Variants in NEMF observed in about 807,000 individuals in gnomAD.
NEMF encodes the protein ribosome quality control complex subunit NEMF.
A neutral mutation model predicts 162.2 loss-of-function variants in NEMF; 89 were observed. That is an observed-to-expected ratio of 0.55 (90% CI 0.46 to 0.65). The LOEUF (loss-of-function observed/expected upper bound fraction) is 0.65. Among genes scored for constraint, NEMF ranks in the 30% least tolerant of loss-of-function variants. NEMF has a pLI of 0.00. For synonymous variants in NEMF, 421 were observed against 404.5 expected (o/e 1.04, Z -0.49); for missense variants, 1,133 against 1,261.9 (o/e 0.90, Z 1.55).
At position 49,799,636 on chromosome 14, in the gene NEMF, A is replaced by G; in HGVS notation, c.2415T>C (p.Ser805=). 6.2e-7 allele frequency: 1 copy of G among 1,609,572 alleles called. No homozygotes were observed. Among genetic ancestry groups the G allele is most frequent in the Non-Finnish European group, 8.5e-7 (1 of 1,178,712 alleles). The change falls in exon 24 of 33, where the codon TCT becomes TCC. Residue 805 remains serine, a splice_region_variant and synonymous_variant. Coordinates refer to ENST00000298310, the MANE Select transcript of NEMF (RefSeq NM_004713.6). ...KLASKEESSN[S]SDSKSQSRRH... Reference sequence around the variant, plus strand: ...CTTCATAAAACTGAAAATAGCTTACAGAATTAGAAGATTCCTCTTTTGAAG... The same window carrying G: ...CTTCATAAAACTGAAAATAGCTTACGGAATTAGAAGATTCCTCTTTTGAAG...
intron 3 of NEMF, among the ~76,000 whole-genome samples, chr14:49,846,639 A>G (rs1490861831): frequency 4.6e-5 from 7 of 151,604 alleles, no homozygotes; most frequent in African/African-American, 1.7e-4. Context: ...TAATTTTTTC[A>G]TTATTTGTAG....
In NEMF at chr14:49,782,879, T is replaced by A. The variant is rs570989300; in HGVS notation, c.*1757A>T. On this transcript the variant is annotated 3_prime_UTR_variant, in exon 33 of 33. Transcript: ENST00000298310. ...CTTTAAAGAAATGTTAGCCAACTCA[T>A]GGAACTGCCTTCCAAAACACTTACT... The A allele has an allele frequency of 6.2e-7, 1 of 1,613,910 alleles. No homozygotes were observed. The highest frequency in any genetic ancestry group is 1.1e-5 in the South Asian group (1 of 91,070).
intron 25 of NEMF, 80 bp from the exon 26 acceptor site, chr14:49,796,024 C>T (rs755181985): frequency 2.1e-5 from 21 of 1,012,146 alleles, no homozygotes; most frequent in African/African-American, 3.2e-5. Flanking sequence ...ATGGGGAAGG[C>T]ACATATACAG....
intron 16 of NEMF, chr14:49,820,443 C>T (rs1891947538): frequency 2.2e-6 from 1 of 456,720 alleles, no homozygotes; most frequent in South Asian, 1.5e-5. Flanking sequence ...TCCTTACCCT[C>T]TCCGTTTCAG....
At chr14:49,842,610 A>G (rs563586201) in intron 4 of NEMF, among the ~76,000 whole-genome samples, 93 of 152,378 alleles carry the variant, frequency 6.1e-4, no homozygotes, top group Non-Finnish European at 4.0e-4. Context: ...GTAATCCCAA[A>G]TTCATCTGAA....
At chr14:49,802,923 C>T (rs1399462757) in intron 20 of NEMF, among the ~76,000 whole-genome samples, 196 bp from the exon 21 acceptor site, 1 of 152,102 alleles carries the variant, frequency 6.6e-6, no homozygotes. Context: ...AAAAAATATA[C>T]ACACTTGCTC....
chr14:49,816,429 C>G (rs931101301), intron 16 of NEMF, among the ~76,000 whole-genome samples: 25 of 152,084 alleles, frequency 1.6e-4, no homozygotes, highest in Non-Finnish European at 2.5e-4. Flanking sequence ...TCCTTTTTGC[C>G]CTTTGAAGCA....
intron 26 of NEMF, among the ~76,000 whole-genome samples, chr14:49,795,147 CAAT>C: frequency 6.6e-6 from 1 of 151,888 alleles, no homozygotes; most frequent in Admixed American, 6.6e-5. Flanking sequence ...CCAGCCCAGA[CAAT>C]ATAGTTAGAC....
chr14:49,815,066 T>C (rs1443549223), intron 16 of NEMF, among the ~76,000 whole-genome samples: 1 of 152,078 alleles, frequency 6.6e-6, no homozygotes, highest in Non-Finnish European at 1.5e-5. Flanking sequence ...AATTAAATTC[T>C]ATGTTTAAAA....
At chr14:49,790,309 T>C (rs1890380767) in intron 26 of NEMF, among the ~76,000 whole-genome samples, 1 of 152,172 alleles carries the variant, frequency 6.6e-6, no homozygotes, top group South Asian at 2.1e-4. Context: ...AGAAAGGACT[T>C]GTATTCAGGA....
intron 5 of NEMF, chr14:49,839,760 A>G (rs1233170328): frequency 6.6e-6 from 1 of 152,210 alleles, no homozygotes; most frequent in Non-Finnish European, 1.5e-5. Flanking sequence ...TAAAATTAGA[A>G]CGAAACAGAG....
At chr14:49,849,268 G>C (rs181753918) in intron 3 of NEMF, among the ~76,000 whole-genome samples, 1 of 152,276 alleles carries the variant, frequency 6.6e-6, no homozygotes, top group East Asian at 1.9e-4. Context: ...AGGCATCATT[G>C]AAAGGACAGA....
intron 16 of NEMF, among the ~76,000 whole-genome samples, chr14:49,825,406 T>C (rs917115096): frequency 1.3e-5 from 2 of 151,956 alleles, no homozygotes; most frequent in African/African-American, 4.8e-5. Flanking sequence ...GAGCTAAAAG[T>C]GGTTTCCTTC....
intron 7 of NEMF, 85 bp from the exon 8 acceptor site, chr14:49,833,581 A>G (rs1367410412): frequency 1.2e-5 from 10 of 809,896 alleles, no homozygotes; most frequent in African/African-American, 1.7e-5. Flanking sequence ...GAAAAACAGG[A>G]AAGTGCTTAC....
intron 4 of NEMF, among the ~76,000 whole-genome samples, chr14:49,841,115 T>C (rs1893178776): frequency 6.8e-6 from 1 of 146,776 alleles, no homozygotes; most frequent in South Asian, 2.1e-4. Context: ...GAGAATCACT[T>C]GAATCTGGGG....
intron 4 of NEMF, 141 bp downstream of exon 4, chr14:49,845,999 T>C (rs1447889528): frequency 1.6e-6 from 1 of 633,772 alleles, no homozygotes; most frequent in East Asian, 2.9e-5. Context: ...AATTTTATTT[T>C]ATTTGTGTGG....
At position 49,852,017 on chromosome 14, in the gene NEMF, T is replaced by A. The variant is rs531880181; in HGVS notation, c.60-142A>T. ...GCCGAGGAGCAGAGTCTGAAAGCCATTTGGAGATTCAGTTCAAAACTTAAG... is the reference window on the plus strand; with the variant it reads ...GCCGAGGAGCAGAGTCTGAAAGCCAATTGGAGATTCAGTTCAAAACTTAAG... On this transcript the variant is annotated intron_variant, in intron 1 of 32. Coordinates refer to ENST00000298310, the MANE Select transcript of NEMF (RefSeq NM_004713.6). 268 of 576,952 alleles carry A rather than the reference T, an allele frequency of 4.6e-4. 2 individuals carry two copies. In the South Asian group the frequency reaches 6.4e-3, roughly 14 times the overall value. 35.7% of individuals were successfully genotyped at this position (576,952 alleles called of 1,614,324 possible). A position where few individuals can be genotyped will look rare whatever the true frequency, so the allele number is the denominator to read the frequency against.
chr14:49,805,257 T>C (rs1436576329), intron 19 of NEMF, among the ~76,000 whole-genome samples: 1 of 152,182 alleles, frequency 6.6e-6, no homozygotes, highest in Non-Finnish European at 1.5e-5. Flanking sequence ...TTTATCCTAC[T>C]GTACAGCTTT....
chr14:49,845,908 C>T lies in NEMF; in HGVS notation c.357+232G>A, dbSNP rs973718061. 9.4e-6 allele frequency: 5 copies of T among 529,146 alleles called. No individual in the cohort carries two copies. In the Admixed American group the frequency reaches 1.7e-4, roughly 18 times the overall value. 32.8% of individuals were successfully genotyped at this position (529,146 alleles called of 1,614,324 possible). ...TAATTTACTTCTCAGATCTTCATCT[C>T]CTACATTCATAAGGCTATTCTAAAT... On this transcript the variant is annotated intron_variant, in intron 4 of 32. Coordinates refer to ENST00000298310, the MANE Select transcript of NEMF (RefSeq NM_004713.6).
Sources: allele counts gnomAD v4.1 joint callset (sites outside exome capture counted in the v4.1 genomes callset), GRCh38; gene constraint gnomAD v4.1.1; transcripts MANE v1.5; gene names NCBI Gene and HGNC (gene_info 2026-07-23, HGNC 2026-07-21).